The following MBLAC2 variants were observed in gnomAD, a reference collection of about 807,000 sequenced individuals.
MBLAC2 encodes acyl-coenzyme A thioesterase MBLAC2.
In MBLAC2, 24 loss-of-function variants were observed where a neutral mutation model predicts 23.3. That is an observed-to-expected ratio of 1.03 (90% CI 0.75 to 1.45). The LOEUF (loss-of-function observed/expected upper bound fraction) is 1.45. Among genes scored for constraint, MBLAC2 ranks in the 40% most tolerant of loss-of-function variants. MBLAC2 has a pLI of 0.00. For synonymous variants in MBLAC2, 162 were observed against 150.9 expected (o/e 1.07, Z -0.54); for missense variants, 358 against 370.0 (o/e 0.97, Z 0.27).
Position 90,470,785 on chromosome 5 carries a change from C to CACACACACAGAA in MBLAC2, c.454+3053_454+3054insTTCTGTGTGTGT, listed in dbSNP as rs3220210. Among the ~76,000 whole-genome samples the CACACACACAGAA allele has an allele frequency of 2.0e-5, 3 of 148,068 alleles. No homozygotes were observed. In the Admixed American group the frequency reaches 2.0e-4, roughly 10 times the overall value. ...ACACACACACACACACACACACACA[C>CACACACACAGAA]GCTTTCTTTCTCCTGTTTTCCATAC... On this transcript the variant is annotated intron_variant, in intron 1 of 1. Transcript: ENST00000316610.
Position 90,474,613 on chromosome 5 carries a change from G to A in MBLAC2, c.-321C>T. ...GAGCTTTAACGCAGGGGCCACTGCA[G>A]CAGAATGGAGACTCAGGTGGCGACC... On this transcript the variant is annotated 5_prime_UTR_variant, in exon 1 of 2. Transcript: ENST00000316610. 2.7e-6 allele frequency: 1 copy of A among 370,888 alleles called. No individual in the cohort carries two copies. Among genetic ancestry groups the A allele is most frequent in the Non-Finnish European group, 4.9e-6 (1 of 202,082 alleles). 23.0% of individuals were successfully genotyped at this position (370,888 alleles called of 1,614,324 possible). A position where few individuals can be genotyped will look rare whatever the true frequency, so the allele number is the denominator to read the frequency against.
rs2115501 is a variant in MBLAC2, at chr5:90,474,182, G to A, written c.111C>T (p.Gly37=). 159,648 of 1,606,300 alleles carry A rather than the reference G, an allele frequency of 0.099. 8,847 individuals carry two copies. Among genetic ancestry groups the A allele is most frequent in the Non-Finnish European group, 0.11 (125,782 of 1,176,180 alleles). The change falls in exon 1 of 2, where the codon GGC becomes GGT. Residue 37 remains glycine, a synonymous_variant. Transcript: ENST00000316610. ...TATCGATCACCACGTCCTGCTCGGA[G>A]CCGCGCACCAGCCAGATGTTGGCAC... ...GNRANIWLVR[G]SEQDVVIDTG...
At chr5:90,466,955 T>A (rs573434256) in intron 1 of MBLAC2, among the ~76,000 whole-genome samples, 1 of 152,230 alleles carries the variant, frequency 6.6e-6, no homozygotes, top group Non-Finnish European at 1.5e-5. Context: ...CTGGCCAACA[T>A]GGTGAGACCC....
intron 1 of MBLAC2, among the ~76,000 whole-genome samples, chr5:90,465,811 C>CCAGCCT: frequency 6.6e-6 from 1 of 152,290 alleles, no homozygotes; most frequent in African/African-American, 2.4e-5. Flanking sequence ...AAATGATCCT[C>CCAGCCT]CAGCCTCAGC....
At chr5:90,471,525 G>A (rs58249347) in intron 1 of MBLAC2, among the ~76,000 whole-genome samples, 1,843 of 152,172 alleles carry the variant, frequency 0.012, 26 homozygotes, top group African/African-American at 0.042. Flanking sequence ...TGGAAGATAT[G>A]GCTATTCTCT....
chr5:90,473,656 C>G, intron 1 of MBLAC2, 183 bp downstream of exon 1: 2 of 709,838 alleles, frequency 2.8e-6, no homozygotes, highest in East Asian at 5.4e-5. Flanking sequence ...GCAGGGAAGG[C>G]TGTGATGGCC....
rs868746445 is a variant in MBLAC2 at position 90,474,707 on chromosome 5, C to G, written c.-415G>C. 10 of 214,944 alleles carry G rather than the reference C, an allele frequency of 4.7e-5. No individual in the cohort carries two copies. The highest frequency in any genetic ancestry group is 1.2e-4 in the African/African-American group (5 of 42,002). The allele number at this position is 214,944 out of a possible 1,614,324, so 13.3% of individuals were successfully genotyped here. A position where few individuals can be genotyped will look rare whatever the true frequency, so the allele number is the denominator to read the frequency against. On this transcript the variant is annotated 5_prime_UTR_variant, in exon 1 of 2. Coordinates refer to ENST00000316610, the MANE Select transcript of MBLAC2 (RefSeq NM_203406.2). ...GGTGGGAAGAGCTAGAACCGCCCAC[C>G]CACTGGCTCTGCAGGGCGCGCACTC... is the stretch of plus-strand genomic sequence containing the variant.
In MBLAC2 at chr5:90,473,857, T is replaced by G; in HGVS notation, c.436A>C (p.Thr146Pro). ...CCATTACCATCCTGCAGGATGAGGG[T>G]GGGCTGCACCGCCTGTACCCGGAAC... ...RQFRVQAVQP[T>P]LILQDGDVIN... The change falls in exon 1 of 2, where the codon ACC (threonine) becomes CCC (proline). Residue 146 changes from threonine to proline, a missense_variant. Coordinates refer to ENST00000316610, the MANE Select transcript of MBLAC2 (RefSeq NM_203406.2). 2 of 1,588,290 alleles carry G rather than the reference T, an allele frequency of 1.3e-6. No homozygotes were observed. Among genetic ancestry groups the G allele is most frequent in the Non-Finnish European group, 1.7e-6 (2 of 1,167,764 alleles).
At chr5:90,465,405 A>G (rs930633031) in intron 1 of MBLAC2, among the ~76,000 whole-genome samples, 2 of 152,182 alleles carry the variant, frequency 1.3e-5, no homozygotes, top group African/African-American at 4.8e-5. Flanking sequence ...CAATATCACT[A>G]AGGCTCAATA....
intron 1 of MBLAC2, among the ~76,000 whole-genome samples, chr5:90,462,425 GTAA>G (rs1406677472): frequency 6.6e-6 from 1 of 152,138 alleles, no homozygotes; most frequent in Admixed American, 6.5e-5. Flanking sequence ...TCAAAATGGT[GTAA>G]TAATCAGGAT....
chr5:90,474,514 G>A lies in MBLAC2; in HGVS notation c.-222C>T, dbSNP rs967192394. On this transcript the variant is annotated 5_prime_UTR_variant, in exon 1 of 2. Transcript: ENST00000316610. The stretch of plus-strand genomic sequence containing the variant: ...CGCTCCCGCACCCTTCCGCCAGGTC[G>A]GCAGCAAGCAGAGGCTGCGCCACCA... 72 of 548,526 alleles carry A rather than the reference G, an allele frequency of 1.3e-4. No individual in the cohort carries two copies. Among genetic ancestry groups the A allele is most frequent in the Admixed American group, 4.9e-4 (14 of 28,354 alleles). 34.0% of individuals were successfully genotyped at this position (548,526 alleles called of 1,614,324 possible). A position where few individuals can be genotyped will look rare whatever the true frequency, so the allele number is the denominator to read the frequency against.
rs1362957429 is a variant in MBLAC2, at chr5:90,462,291, G to C, written c.455-739C>G. Among the ~76,000 whole-genome samples the C allele has an allele frequency of 2.0e-5, 3 of 152,082 alleles. No homozygotes were observed. The East Asian group carries it at 5.8e-4, about 29-fold the overall frequency. The stretch of plus-strand genomic sequence containing the variant: ...GGTGGAAAATTGCTCTGTTTCACTG[G>C]AATTAAATTAGTATGAACTTGAAGT... On this transcript the variant is annotated intron_variant, in intron 1 of 1. Coordinates refer to ENST00000316610, the MANE Select transcript of MBLAC2 (RefSeq NM_203406.2).
At position 90,461,273 on chromosome 5, in the gene MBLAC2, G is replaced by A. The variant is rs755330712; in HGVS notation, c.734C>T (p.Ser245Phe). Residue 245 changes from serine (S) to phenylalanine (F), a missense_variant, in exon 2 of 2, where the codon TCT becomes TTT. Coordinates refer to ENST00000316610, the MANE Select transcript of MBLAC2 (RefSeq NM_203406.2). Reference sequence around the variant, plus strand: ...TATCCCAGCTTTTGAAATATAGTTAGAAGCCAATCGAAAAAGCCTTTCAGC... The same window carrying A: ...TATCCCAGCTTTTGAAATATAGTTAAAAGCCAATCGAAAAAGCCTTTCAGC... ...FGAERLFRLA[S>F]NYISKAGICH... The A allele has an allele frequency of 6.2e-7, 1 of 1,614,148 alleles. No homozygotes were observed. Among genetic ancestry groups the A allele is most frequent in the Non-Finnish European group, 8.5e-7 (1 of 1,180,016 alleles).
intron 1 of MBLAC2, among the ~76,000 whole-genome samples, chr5:90,470,752 G>GCACA (rs1355342232): frequency 3.6e-5 from 2 of 55,280 alleles, no homozygotes; most frequent in African/African-American, 7.7e-5. Context: ...AAACTAGCGC[G>GCACA]CGCGCACACA....
At chr5:90,467,110 C>T (rs1173780596) in intron 1 of MBLAC2, among the ~76,000 whole-genome samples, 1 of 152,074 alleles carries the variant, frequency 6.6e-6, no homozygotes, top group African/African-American at 2.4e-5. Context: ...TCAGCCTGGG[C>T]AAGAGAGAGA....
chr5:90,471,338 T>C (rs573466620), intron 1 of MBLAC2, among the ~76,000 whole-genome samples: 6 of 152,192 alleles, frequency 3.9e-5, no homozygotes, highest in African/African-American at 1.4e-4. Context: ...ATGTATGTAA[T>C]AGGGATCACA....
chr5:90,469,116 A>AGC (rs1750502392), intron 1 of MBLAC2, among the ~76,000 whole-genome samples: 1 of 152,004 alleles, frequency 6.6e-6, no homozygotes, highest in Non-Finnish European at 1.5e-5. Context: ...CAGGCATGCA[A>AGC]CACCACACCC....
chr5:90,473,733 AAAT>A (rs1561241860), intron 1 of MBLAC2, 103 bp downstream of exon 1: 1 of 1,170,234 alleles, frequency 8.5e-7, no homozygotes, highest in Non-Finnish European at 1.2e-6. Flanking sequence ...CGAGGTGCCA[AAAT>A]AATCCCCTTT....
At chr5:90,472,087 A>G (rs1239217189) in intron 1 of MBLAC2, among the ~76,000 whole-genome samples, 2 of 152,044 alleles carry the variant, frequency 1.3e-5, no homozygotes, top group African/African-American at 2.4e-5. Context: ...GACCTCACAC[A>G]TGATACTCAG....
Sources: allele counts gnomAD v4.1 joint callset (sites outside exome capture counted in the v4.1 genomes callset), GRCh38; gene constraint gnomAD v4.1.1; transcripts MANE v1.5; gene names NCBI Gene and HGNC (gene_info 2026-07-23, HGNC 2026-07-21).